Variants in HOOK1 observed in about 807,000 individuals in gnomAD.
HOOK1 encodes the protein protein Hook homolog 1.
HOOK1 carries 60 observed loss-of-function variants against 112.8 expected under a neutral mutation model. That is an observed-to-expected ratio of 0.53 (90% CI 0.43 to 0.66). The LOEUF (loss-of-function observed/expected upper bound fraction) is 0.66. Among genes scored for constraint, HOOK1 ranks in the 30% least tolerant of loss-of-function variants. The pLI is 0.00. For synonymous variants in HOOK1, 294 were observed against 283.8 expected (o/e 1.04, Z -0.36); for missense variants, 770 against 856.0 (o/e 0.90, Z 1.25).
intron 1 of HOOK1, among the ~76,000 whole-genome samples, chr1:59,821,601 C>G (rs1455337624): frequency 6.6e-6 from 1 of 152,176 alleles, no homozygotes; most frequent in Non-Finnish European, 1.5e-5. Flanking sequence ...TTATGTATTA[C>G]TTATGCATGG....
intron 8 of HOOK1, among the ~76,000 whole-genome samples, chr1:59,842,471 A>G (rs1199636089): frequency 6.6e-6 from 1 of 152,120 alleles, no homozygotes; most frequent in Non-Finnish European, 1.5e-5. Flanking sequence ...GCCCAGGGAC[A>G]GTTTCCCAGA....
At chr1:59,857,376 C>G (rs79223969) in intron 12 of HOOK1, among the ~76,000 whole-genome samples, 11,924 of 152,156 alleles carry the variant, frequency 0.078, 510 homozygotes, top group African/African-American at 0.12. Context: ...GTTAAAAGAG[C>G]AAAAAGCTTA....
intron 7 of HOOK1, among the ~76,000 whole-genome samples, chr1:59,838,776 C>T (rs1267502488): frequency 6.6e-6 from 1 of 152,122 alleles, no homozygotes; most frequent in Non-Finnish European, 1.5e-5. Context: ...TTTGCCCATG[C>T]TTCTGTCCTG....
At position 59,858,492 on chromosome 1, in the gene HOOK1, A is replaced by T. The variant is rs755937294; in HGVS notation, c.1307A>T (p.Gln436Leu). 6.8e-6 allele frequency: 11 copies of T among 1,612,310 alleles called. No individual in the cohort carries two copies. The highest frequency in any genetic ancestry group is 6.7e-5 in the Admixed American group (4 of 59,992). Residue 436 changes from glutamine (Q) to leucine (L), a missense_variant, in exon 13 of 22, where the codon CAA becomes CTA. Gln to Leu is a moderately radical substitution (Grantham distance 113, BLOSUM62 -2). This residue lies in a region of HOOK1 where 655 missense variants were observed against 725.9 expected (regional missense o/e 0.90). Coordinates refer to ENST00000371208, the MANE Select transcript of HOOK1 (RefSeq NM_015888.6). ...GAAGAGCTTCGATGTTCACAAGTAC[A>T]ACAGGACCACCTAAACCAAACAGGT... is the stretch of plus-strand genomic sequence containing the variant. ...TNEELRCSQV[Q>L]QDHLNQTDAS...
intron 7 of HOOK1, among the ~76,000 whole-genome samples, chr1:59,837,854 C>G (rs2098398757): frequency 6.6e-6 from 1 of 152,036 alleles, no homozygotes; most frequent in Non-Finnish European, 1.5e-5. Context: ...TAGCCCCCCA[C>G]CCCCCACAGG....
At chr1:59,843,095 G>T (rs1480918972) in intron 8 of HOOK1, among the ~76,000 whole-genome samples, 1 of 151,830 alleles carries the variant, frequency 6.6e-6, no homozygotes, top group Non-Finnish European at 1.5e-5. Context: ...ATACCTAAAA[G>T]AGGAGACAAA....
intron 10 of HOOK1, among the ~76,000 whole-genome samples, chr1:59,848,023 A>G (rs1470368537): frequency 6.6e-6 from 1 of 151,608 alleles, no homozygotes; most frequent in African/African-American, 2.4e-5. Context: ...ACAAATCATT[A>G]TTTTTTATTC....
chr1:59,825,903 T>C (rs916822971), intron 2 of HOOK1, among the ~76,000 whole-genome samples: 3 of 152,194 alleles, frequency 2.0e-5, no homozygotes, highest in African/African-American at 7.2e-5. Flanking sequence ...TGGACATCCA[T>C]CTATGGACAT....
chr1:59,845,090 C>G (rs1458218858), intron 9 of HOOK1, among the ~76,000 whole-genome samples: 2 of 151,906 alleles, frequency 1.3e-5, no homozygotes, highest in African/African-American at 4.8e-5. Flanking sequence ...ATTCTGAAGA[C>G]TGGGAACTCC....
chr1:59,855,959 T>A (rs866883531), intron 12 of HOOK1, among the ~76,000 whole-genome samples: 1,964 of 83,850 alleles, frequency 0.023, 89 homozygotes, highest in African/African-American at 0.078. Flanking sequence ...TATATATATA[T>A]AAATTATTAT....
At chr1:59,817,442 T>C (rs936192370) in intron 1 of HOOK1, among the ~76,000 whole-genome samples, 3 of 152,208 alleles carry the variant, frequency 2.0e-5, no homozygotes, top group African/African-American at 7.2e-5. Flanking sequence ...TCTGTTGCCT[T>C]TTCTTTACCT....
intron 12 of HOOK1, among the ~76,000 whole-genome samples, chr1:59,851,021 G>A (rs1163901010): frequency 1.3e-5 from 2 of 151,552 alleles, no homozygotes; most frequent in Admixed American, 6.6e-5. Context: ...TTACTACTGG[G>A]TTGTATGTCT....
chr1:59,824,847 GA>G (rs1381593876), intron 2 of HOOK1, among the ~76,000 whole-genome samples: 2 of 152,048 alleles, frequency 1.3e-5, no homozygotes, highest in African/African-American at 4.8e-5. Context: ...AAACACATGG[GA>G]AAAAACTATA....
At chr1:59,841,375 A>T (rs1299616549) in intron 8 of HOOK1, among the ~76,000 whole-genome samples, 1 of 152,146 alleles carries the variant, frequency 6.6e-6, no homozygotes, top group Non-Finnish European at 1.5e-5. Context: ...ATCTAAAATG[A>T]CAGGGCTAGA....
At chr1:59,831,155 C>T (rs1210645699) in intron 3 of HOOK1, among the ~76,000 whole-genome samples, 1 of 152,058 alleles carries the variant, frequency 6.6e-6, no homozygotes, top group East Asian at 1.9e-4. Flanking sequence ...ACTGCCTCAG[C>T]CTCCCAATTA....
intron 16 of HOOK1, among the ~76,000 whole-genome samples, chr1:59,864,072 T>C (rs1027243605): frequency 6.6e-6 from 1 of 152,056 alleles, no homozygotes; most frequent in African/African-American, 2.4e-5. Flanking sequence ...GGAACGACTA[T>C]TGCAATTTAA....
At chr1:59,837,008 C>G (rs1456561314) in intron 7 of HOOK1, 73 bp downstream of exon 7, 3 of 931,022 alleles carry the variant, frequency 3.2e-6, no homozygotes. Flanking sequence ...TCTCATAAGG[C>G]TTACAAAGAG....
At chr1:59,872,705 G>T in intron 21 of HOOK1, 90 bp from the exon 22 acceptor site, 1 of 876,266 alleles carries the variant, frequency 1.1e-6, no homozygotes. Context: ...TTATAGGTTG[G>T]TTTTAAGGAT....
intron 2 of HOOK1, among the ~76,000 whole-genome samples, chr1:59,823,303 G>C (rs1559042914): frequency 6.6e-6 from 1 of 152,230 alleles, no homozygotes; most frequent in Admixed American, 6.5e-5. Flanking sequence ...CTGGGTGACA[G>C]AGCAAGACTC....
Sources: gnomAD v4.1 joint callset for allele counts (sites outside exome capture counted in the v4.1 genomes callset) on GRCh38, gnomAD v4.1.1 for gene constraint, gnomAD v4.1.1 regional missense constraint, MANE v1.5 for transcripts, NCBI Gene and HGNC (gene_info 2026-07-23, HGNC 2026-07-21) for gene names.